The following CASR variants were observed in gnomAD, a reference collection of about 807,000 sequenced individuals.
CASR encodes extracellular calcium-sensing receptor.
In CASR, 23 loss-of-function variants were observed where a neutral mutation model predicts 69.1. That is an observed-to-expected ratio of 0.33 (90% CI 0.24 to 0.47). CASR has a LOEUF of 0.47. Ranked by LOEUF, CASR falls within the 20% of genes least tolerant of loss-of-function variation. The pLI, the probability that CASR is intolerant of heterozygous loss-of-function variation, is 1.00. For missense variants in CASR, 924 were observed against 1,356.1 expected (o/e 0.68, Z 5.00); for synonymous variants, 541 against 544.7 (o/e 0.99, Z 0.10).
intron 1 of CASR, among the ~76,000 whole-genome samples, chr3:122,186,138 A>T (rs1049395924): frequency 6.6e-6 from 1 of 152,314 alleles, no homozygotes; most frequent in African/African-American, 2.4e-5. Context: ...TTTTTTACTG[A>T]ATTAGCAGGT....
intron 1 of CASR, among the ~76,000 whole-genome samples, chr3:122,199,157 T>C (rs573938395): frequency 6.6e-6 from 1 of 152,354 alleles, no homozygotes; most frequent in Non-Finnish European, 1.5e-5. Context: ...TCTTTCCCCA[T>C]ACATAAATGA....
chr3:122,193,897 T>A (rs1411261206), intron 1 of CASR, among the ~76,000 whole-genome samples: 1 of 152,072 alleles, frequency 6.6e-6, no homozygotes, highest in East Asian at 1.9e-4. Context: ...TTGGAAGGGT[T>A]TTTATACTTT....
intron 3 of CASR, among the ~76,000 whole-genome samples, chr3:122,260,672 TA>T (rs938806045): frequency 2.9e-5 from 4 of 137,692 alleles, no homozygotes; most frequent in African/African-American, 1.1e-4. Flanking sequence ...ACAAGTACCC[TA>T]GAACTTAAAG....
At chr3:122,208,274 T>C (rs537977997) in intron 1 of CASR, among the ~76,000 whole-genome samples, 1 of 152,322 alleles carries the variant, frequency 6.6e-6, no homozygotes, top group South Asian at 2.1e-4. Context: ...TAAGCTGGGC[T>C]CAAGTGATTC....
chr3:122,192,437 A>C (rs761120067), intron 1 of CASR, among the ~76,000 whole-genome samples: 1 of 152,220 alleles, frequency 6.6e-6, no homozygotes, highest in East Asian at 1.9e-4. Context: ...ATAGCAACAA[A>C]ACATCAGTGA....
chr3:122,280,246 C>A (rs1271495141), intron 5 of CASR, among the ~76,000 whole-genome samples: 1 of 152,144 alleles, frequency 6.6e-6, no homozygotes, highest in African/African-American at 2.4e-5. Context: ...AAACCCACAG[C>A]CAATATCATA....
At chr3:122,210,009 C>T (rs775764305) in intron 1 of CASR, among the ~76,000 whole-genome samples, 1 of 152,146 alleles carries the variant, frequency 6.6e-6, no homozygotes, top group Non-Finnish European at 1.5e-5. Context: ...TCAATAGACA[C>T]ATAAAAGGCC....
rs2074973468 is a variant in CASR, at chr3:122,286,698, C to T, written c.*1507C>T. On this transcript the variant is annotated 3_prime_UTR_variant, in exon 7 of 7. Coordinates refer to ENST00000639785, the MANE Select transcript of CASR (RefSeq NM_000388.4). The stretch of plus-strand genomic sequence containing the variant: ...GAAGCCAGAAAGCTGGTCAGCCCCT[C>T]AGGTGGCCCAATGCCCTGTCTCCGC... The T allele has an allele frequency of 6.6e-6, 1 of 152,270 alleles. No individual in the cohort carries two copies. The highest frequency in any genetic ancestry group is 2.4e-5 in the African/African-American group (1 of 41,456). 9.4% of individuals were successfully genotyped at this position (152,270 alleles called of 1,614,324 possible).
chr3:122,192,783 C>T lies in CASR; in HGVS notation c.-243+8971C>T, dbSNP rs1413180601. On this transcript the variant is annotated intron_variant, in intron 1 of 6. Transcript: ENST00000639785. ...GATTAAGCGGGTCTGGAGTGGGGGC[C>T]AAATGTATATAGTTCCTGCGAGCTC... is the stretch of plus-strand genomic sequence containing the variant. 2.6e-5 allele frequency among the ~76,000 whole-genome samples: 4 copies of T among 152,166 alleles called. No homozygotes were observed. The East Asian group carries it at 7.7e-4, about 29-fold the overall frequency.
At chr3:122,217,531 G>C (rs1343166240) in intron 1 of CASR, among the ~76,000 whole-genome samples, 1 of 152,166 alleles carries the variant, frequency 6.6e-6, no homozygotes, top group Non-Finnish European at 1.5e-5. Flanking sequence ...CAATGAACGA[G>C]TAGGAATAAT....
chr3:122,280,929 T>C (rs1447469179), intron 5 of CASR, among the ~76,000 whole-genome samples: 2 of 152,254 alleles, frequency 1.3e-5, no homozygotes, highest in East Asian at 3.8e-4. Flanking sequence ...AAGATACATA[T>C]GCTGTTGCAA....
At chr3:122,227,777 C>T (rs1481031515) in intron 1 of CASR, among the ~76,000 whole-genome samples, 1 of 152,168 alleles carries the variant, frequency 6.6e-6, no homozygotes, top group Non-Finnish European at 1.5e-5. Context: ...CTATAGTATA[C>T]TATGCTCACT....
chr3:122,206,154 G>C (rs1180203987), intron 1 of CASR, among the ~76,000 whole-genome samples: 2 of 151,804 alleles, frequency 1.3e-5, no homozygotes, highest in East Asian at 1.9e-4. Flanking sequence ...CTTCCATATT[G>C]TAAAGGAAAG....
At chr3:122,276,584 C>T (rs753233619) in intron 5 of CASR, among the ~76,000 whole-genome samples, 3 of 152,224 alleles carry the variant, frequency 2.0e-5, no homozygotes, top group Non-Finnish European at 4.4e-5. Flanking sequence ...TTGAAAGACA[C>T]TGGAGCCCAA....
chr3:122,233,575 G>A (rs943055337), intron 1 of CASR, among the ~76,000 whole-genome samples: 1 of 152,222 alleles, frequency 6.6e-6, no homozygotes, highest in Non-Finnish European at 1.5e-5. Context: ...TCCACCTGAT[G>A]ATGTGGGAAC....
In CASR at chr3:122,284,958, A is replaced by C. The variant is rs1467916973; in HGVS notation, c.3004A>C (p.Lys1002Gln). The change falls in exon 7 of 7, where the codon AAA becomes CAA. Residue 1002 changes from lysine (K) to glutamine (Q), a missense_variant. Lys to Gln is a moderately conservative substitution (Grantham distance 53). Coordinates refer to ENST00000639785, the MANE Select transcript of CASR (RefSeq NM_000388.4). Reference sequence around the variant, plus strand: ...GCACCAGAACTCCCTGGAGGCCCAGAAAAGCAGCGATACGCTGACCCGACA... The same window carrying C: ...GCACCAGAACTCCCTGGAGGCCCAGCAAAGCAGCGATACGCTGACCCGACA... Reference protein sequence around the residue: ...STHQNSLEAQKSSDTLTRHEP... With the variant: ...STHQNSLEAQQSSDTLTRHEP... 6.2e-7 allele frequency: 1 copy of C among 1,614,206 alleles called. No individual in the cohort carries two copies. The highest frequency in any genetic ancestry group is 8.5e-7 in the Non-Finnish European group (1 of 1,180,028).
rs1353792688 is a variant in CASR, at chr3:122,290,850, G to A, written c.*5659G>A. 2 of 149,912 alleles carry A rather than the reference G, an allele frequency of 1.3e-5. No individual in the cohort carries two copies. Among genetic ancestry groups the A allele is most frequent in the Non-Finnish European group, 3.0e-5 (2 of 67,596 alleles). 9.3% of individuals were successfully genotyped at this position (149,912 alleles called of 1,614,324 possible). A position where few individuals can be genotyped will look rare whatever the true frequency, so the allele number is the denominator to read the frequency against. The stretch of plus-strand genomic sequence containing the variant: ...CCCATTAACTCGTCATTTACCATTA[G>A]GTATATCTCCTAATGCTATCCCTCC... On this transcript the variant is annotated 3_prime_UTR_variant, in exon 7 of 7. Transcript: ENST00000639785.
rs2075009918 is a variant in CASR at position 122,291,242 on chromosome 3, C to T, written c.*6051C>T. On this transcript the variant is annotated 3_prime_UTR_variant, in exon 7 of 7. Coordinates refer to ENST00000639785, the MANE Select transcript of CASR (RefSeq NM_000388.4). ...TGATTTCTAATCCTTTGGGTATATA[C>T]CCAGTAATGGGATGGCTGGGTCAAA... The T allele has an allele frequency of 6.6e-6, 1 of 151,726 alleles. No individual in the cohort carries two copies. Among genetic ancestry groups the T allele is most frequent in the Admixed American group, 6.6e-5 (1 of 15,202 alleles). 9.4% of individuals were successfully genotyped at this position (151,726 alleles called of 1,614,324 possible).
At chr3:122,278,972 G>C (rs1159999295) in intron 5 of CASR, among the ~76,000 whole-genome samples, 6 of 152,158 alleles carry the variant, frequency 3.9e-5, no homozygotes, top group Non-Finnish European at 1.5e-5. Context: ...ACATTTTTCA[G>C]CCTTCATTTC....
Sources: gnomAD v4.1 joint callset for allele counts (sites outside exome capture counted in the v4.1 genomes callset) on GRCh38, gnomAD v4.1.1 for gene constraint, MANE v1.5 for transcripts, NCBI Gene and HGNC (gene_info 2026-07-23, HGNC 2026-07-21) for gene names.